CFAP20DC: variants seen among roughly 807,000 people sequenced by gnomAD.
CFAP20DC encodes protein CFAP20DC.
CFAP20DC carries 84 observed loss-of-function variants against 101.7 expected under a neutral mutation model. The ratio of observed to expected loss-of-function variants is 0.83; its 90% confidence interval spans 0.69 to 0.99. CFAP20DC has a LOEUF of 0.99. CFAP20DC is among the 50% of genes least tolerant of loss of function. CFAP20DC has a pLI of 0.00. For missense variants in CFAP20DC, 1,007 were observed against 970.3 expected (o/e 1.04, Z -0.50); for synonymous variants, 359 against 351.2 (o/e 1.02, Z -0.25).
chr3:58,862,279 G>A, intron 12 of CFAP20DC: 2 of 985,368 alleles, frequency 2.0e-6, no homozygotes, highest in Non-Finnish European at 2.4e-6. Flanking sequence ...TAATCAGCCA[G>A]TTTAGACCAT....
intron 4 of CFAP20DC, among the ~76,000 whole-genome samples, chr3:58,961,054 T>C (rs1174300018): frequency 1.3e-5 from 2 of 152,260 alleles, no homozygotes; most frequent in African/African-American, 4.8e-5. Flanking sequence ...TAATTAATTT[T>C]TGGATATAGA....
Position 58,937,533 on chromosome 3 carries a change from T to C in CFAP20DC, c.393+115A>G, listed in dbSNP as rs2087876776. ...GGGGAAGGAAGGCCATGAATTTTAT[T>C]CATTTTTTATACCACCATCGTACTT... On this transcript the variant is annotated intron_variant, in intron 5 of 16. Transcript: ENST00000482387. 4 of 681,840 alleles carry C rather than the reference T, an allele frequency of 5.9e-6. No homozygotes were observed. The East Asian group carries it at 1.0e-4, about 18-fold the overall frequency. The allele number at this position is 681,840 out of a possible 1,614,324, so 42.2% of individuals were successfully genotyped here. A position where few individuals can be genotyped will look rare whatever the true frequency, so the allele number is the denominator to read the frequency against.
At chr3:58,987,131 C>G (rs182442314) in intron 4 of CFAP20DC, among the ~76,000 whole-genome samples, 175 of 151,970 alleles carry the variant, frequency 1.2e-3, no homozygotes, top group South Asian at 3.7e-3. Context: ...GAATGGAACA[C>G]AGAGAGATAA....
intron 5 of CFAP20DC, among the ~76,000 whole-genome samples, chr3:58,935,440 A>C (rs1389447106): frequency 6.6e-6 from 1 of 151,904 alleles, no homozygotes; most frequent in East Asian, 1.9e-4. Context: ...GTTCATATGG[A>C]ACCAAAAAAG....
intron 15 of CFAP20DC, among the ~76,000 whole-genome samples, chr3:58,797,578 G>C (rs760028612): frequency 7.2e-5 from 11 of 152,212 alleles, no homozygotes; most frequent in Non-Finnish European, 1.2e-4. Context: ...TGTAGAAGCT[G>C]CAGCAAGTTA....
intron 3 of CFAP20DC, 50 bp from the exon 4 acceptor site, chr3:59,039,679 G>A: frequency 2.6e-6 from 3 of 1,135,942 alleles, no homozygotes; most frequent in Non-Finnish European, 3.7e-6. Flanking sequence ...ATTTATATGT[G>A]CATATAAACA....
chr3:58,907,471 A>T (rs1209175304), intron 6 of CFAP20DC, among the ~76,000 whole-genome samples: 1 of 152,228 alleles, frequency 6.6e-6, no homozygotes, highest in Non-Finnish European at 1.5e-5. Flanking sequence ...GAAGACAGAT[A>T]AATGTTTAAC....
chr3:58,757,481 CTTTG>C (rs151050181), intron 15 of CFAP20DC, among the ~76,000 whole-genome samples: 12,552 of 151,776 alleles, frequency 0.083, 874 homozygotes, highest in East Asian at 0.35. Context: ...TATAGTTTGT[CTTTG>C]TTTATGGTGG....
intron 4 of CFAP20DC, among the ~76,000 whole-genome samples, chr3:58,951,584 A>G (rs2090111890): frequency 6.6e-6 from 1 of 152,216 alleles, no homozygotes; most frequent in Non-Finnish European, 1.5e-5. Flanking sequence ...GCCATAAAAA[A>G]TGAAGAGTTC....
At chr3:58,828,542 C>T (rs2076191068) in intron 14 of CFAP20DC, among the ~76,000 whole-genome samples, 1 of 152,114 alleles carries the variant, frequency 6.6e-6, no homozygotes, top group Non-Finnish European at 1.5e-5. Context: ...CAAATTAATG[C>T]AGGAACAGAA....
chr3:58,930,206 T>C (rs1214362749), intron 5 of CFAP20DC, among the ~76,000 whole-genome samples: 1 of 152,220 alleles, frequency 6.6e-6, no homozygotes, highest in Non-Finnish European at 1.5e-5. Context: ...AAGTTTCTGA[T>C]GTTGCTTCAC....
At chr3:58,778,072 C>A (rs1028911638) in intron 15 of CFAP20DC, among the ~76,000 whole-genome samples, 1 of 152,198 alleles carries the variant, frequency 6.6e-6, no homozygotes, top group South Asian at 2.1e-4. Context: ...TGCTCATGAC[C>A]TGGACTGCTA....
intron 4 of CFAP20DC, among the ~76,000 whole-genome samples, chr3:58,975,331 T>C (rs1356388885): frequency 6.6e-6 from 1 of 152,204 alleles, no homozygotes; most frequent in Non-Finnish European, 1.5e-5. Flanking sequence ...TGTCTTCTCC[T>C]CCAGAATATG....
At chr3:58,976,087 C>A (rs941069753) in intron 4 of CFAP20DC, among the ~76,000 whole-genome samples, 1 of 152,154 alleles carries the variant, frequency 6.6e-6, no homozygotes, top group Non-Finnish European at 1.5e-5. Context: ...TAAGAAGCAA[C>A]CTTTGACTTC....
intron 14 of CFAP20DC, among the ~76,000 whole-genome samples, chr3:58,821,754 A>C (rs2075662201): frequency 1.3e-5 from 2 of 150,220 alleles, no homozygotes; most frequent in East Asian, 3.9e-4. Flanking sequence ...TCAGGGATCT[A>C]GAACTAGAAA....
At position 58,831,813 on chromosome 3, in the gene CFAP20DC, T is replaced by G. The variant is rs1165932612; in HGVS notation, c.2048A>C (p.Gln683Pro). Reference protein sequence around the residue: ...ELQMLASLRWQQNEELEDAGT... With the variant: ...ELQMLASLRWPQNEELEDAGT... ...AGCATCCTCCAGTTCTTCATTTTGT[T>G]GCCACCGTAGGCTTGCTAGCATCTG... Residue 683 changes from glutamine (Q) to proline (P), a missense_variant, in exon 14 of 17, where the codon CAA becomes CCA. Transcript: ENST00000482387. 2 of 1,614,112 alleles carry G rather than the reference T, an allele frequency of 1.2e-6. No homozygotes were observed. Among genetic ancestry groups the G allele is most frequent in the Non-Finnish European group, 1.7e-6 (2 of 1,179,996 alleles).
chr3:58,774,518 C>CA (rs1159707382), intron 15 of CFAP20DC, among the ~76,000 whole-genome samples: 1 of 152,038 alleles, frequency 6.6e-6, no homozygotes, highest in Non-Finnish European at 1.5e-5. Flanking sequence ...AAGGCACACA[C>CA]AAAAAATCAA....
intron 15 of CFAP20DC, among the ~76,000 whole-genome samples, chr3:58,777,518 C>T (rs774706342): frequency 1.3e-5 from 2 of 152,182 alleles, no homozygotes; most frequent in African/African-American, 4.8e-5. Context: ...ATAGGGTCCT[C>T]ACTCATGTCA....
At chr3:58,725,449 C>T (rs538132115) in intron 3 of CFAP20DC, among the ~76,000 whole-genome samples, 2 of 152,330 alleles carry the variant, frequency 1.3e-5, no homozygotes, top group South Asian at 4.1e-4. Flanking sequence ...CACCTCCTCG[C>T]TATCACAGTG....
Sources: allele counts gnomAD v4.1 joint callset (sites outside exome capture counted in the v4.1 genomes callset), GRCh38; gene constraint gnomAD v4.1.1; transcripts MANE v1.5; gene names NCBI Gene and HGNC (gene_info 2026-07-23, HGNC 2026-07-21).